The following CSGALNACT1 variants were observed in gnomAD, a reference collection of about 807,000 sequenced individuals.
CSGALNACT1 encodes chondroitin sulfate N-acetylgalactosaminyltransferase 1.
A neutral mutation model predicts 51.0 loss-of-function variants in CSGALNACT1; 52 were observed. The ratio of observed to expected loss-of-function variants is 1.02; its 90% confidence interval spans 0.82 to 1.29. The LOEUF is 1.29. CSGALNACT1 is among the 50% of genes most tolerant of loss of function. The probability of loss-of-function intolerance (pLI) is 0.00; values close to 1 mark genes in which losing one functional copy is unlikely to be tolerated. For missense variants in CSGALNACT1, 935 were observed against 679.2 expected (o/e 1.38, Z -4.19); for synonymous variants, 341 against 254.4 (o/e 1.34, Z -3.24).
intron 1 of CSGALNACT1, among the ~76,000 whole-genome samples, chr8:19,723,678 T>A (rs1019399233): frequency 6.6e-6 from 1 of 152,202 alleles, no homozygotes; most frequent in Non-Finnish European, 1.5e-5. Context: ...TAGGATGTAC[T>A]TTTTGGAAAA....
At chr8:19,604,453 T>C (rs1281289507), upstream of CSGALNACT1, among the ~76,000 whole-genome samples, 1 of 152,160 alleles carries the variant, frequency 6.6e-6, no homozygotes, top group Non-Finnish European at 1.5e-5. Flanking sequence ...GAAATGAGGC[T>C]CAAAGGTGTT....
chr8:19,435,248 A>G (rs889493202), intron 6 of CSGALNACT1, among the ~76,000 whole-genome samples: 3 of 152,192 alleles, frequency 2.0e-5, no homozygotes, highest in African/African-American at 7.2e-5. Flanking sequence ...TAATCCCAGG[A>G]CTTTGGGAGG....
chr8:19,434,037 A>C (rs1467133412), intron 6 of CSGALNACT1, among the ~76,000 whole-genome samples: 1 of 152,146 alleles, frequency 6.6e-6, no homozygotes. Flanking sequence ...ACCTCCATAA[A>C]GCTCCCTTTC....
chr8:19,625,955 A>G (rs541152678), intron 1 of CSGALNACT1, among the ~76,000 whole-genome samples: 163 of 152,346 alleles, frequency 1.1e-3, no homozygotes, highest in African/African-American at 3.7e-3. Flanking sequence ...AGTTATTTGC[A>G]AAGATTTAAA....
chr8:19,460,650 G>A (rs6997517), intron 4 of CSGALNACT1, among the ~76,000 whole-genome samples: 2,781 of 152,278 alleles, frequency 0.018, 79 homozygotes, highest in African/African-American at 0.063. Context: ...ACAGTGACAC[G>A]GCAATGGAAT....
At chr8:19,725,664 C>T (rs2063358921) in intron 1 of CSGALNACT1, among the ~76,000 whole-genome samples, 1 of 152,006 alleles carries the variant, frequency 6.6e-6, no homozygotes, top group Non-Finnish European at 1.5e-5. Context: ...ACCTCGTGAT[C>T]CACATGACTC....
chr8:19,523,540 G>A (rs565855932), intron 3 of CSGALNACT1, among the ~76,000 whole-genome samples: 57 of 151,640 alleles, frequency 3.8e-4, no homozygotes, highest in Middle Eastern at 3.4e-3. Flanking sequence ...AAAGTGGTGA[G>A]ATTACAGGCA....
intron 4 of CSGALNACT1, among the ~76,000 whole-genome samples, chr8:19,475,971 T>G (rs559704060): frequency 6.6e-6 from 1 of 152,178 alleles, no homozygotes; most frequent in African/African-American, 2.4e-5. Flanking sequence ...GAAACATGAC[T>G]TGCCATGTCC....
chr8:19,513,384 T>G (rs983332564), intron 3 of CSGALNACT1, among the ~76,000 whole-genome samples: 2 of 145,884 alleles, frequency 1.4e-5, no homozygotes, highest in Non-Finnish European at 3.0e-5. Context: ...CTACACCCAG[T>G]ACATTCTGTT....
intron 1 of CSGALNACT1, among the ~76,000 whole-genome samples, chr8:19,690,732 G>A (rs138413603): frequency 6.6e-6 from 1 of 152,298 alleles, no homozygotes; most frequent in Non-Finnish European, 1.5e-5. Flanking sequence ...AACTCCGCAT[G>A]GAAGGAGGGG....
Position 19,545,860 on chromosome 8 carries a change from A to G in CSGALNACT1, c.-296-39730T>C, listed in dbSNP as rs927861803. Among the ~76,000 whole-genome samples, 3 of 148,406 alleles carry G rather than the reference A, an allele frequency of 2.0e-5. No homozygotes were observed. The Admixed American group carries it at 2.0e-4, about 10-fold the overall frequency. On this transcript the variant is annotated intron_variant, in intron 3 of 9. Transcript: ENST00000454498. ...TGTATATATAATAGTTATATACTAT[A>G]TATTATATATAAGTTATATGCTATA...
chr8:19,650,551 T>C (rs2057708917), intron 1 of CSGALNACT1, among the ~76,000 whole-genome samples: 1 of 152,110 alleles, frequency 6.6e-6, no homozygotes, highest in East Asian at 1.9e-4. Context: ...TGCTCAGCAA[T>C]GGTCGAACAG....
chr8:19,469,010 A>C (rs4244452), intron 4 of CSGALNACT1, among the ~76,000 whole-genome samples: 1 of 151,880 alleles, frequency 6.6e-6, no homozygotes, highest in Non-Finnish European at 1.5e-5. Flanking sequence ...GGCAGAAGAC[A>C]GCAGCATCAA....
At chr8:19,571,885 T>C (rs1226664746) in intron 3 of CSGALNACT1, among the ~76,000 whole-genome samples, 1 of 152,232 alleles carries the variant, frequency 6.6e-6, no homozygotes, top group Non-Finnish European at 1.5e-5. Flanking sequence ...TTACTGTAAG[T>C]TTTCTGTAGG....
intron 1 of CSGALNACT1, among the ~76,000 whole-genome samples, chr8:19,675,142 C>G (rs190034955): frequency 2.0e-5 from 3 of 152,276 alleles, no homozygotes; most frequent in Admixed American, 2.0e-4. Flanking sequence ...AGTCATGGAG[C>G]TATCATGGTA....
chr8:19,418,901 G>A (rs575729585), intron 7 of CSGALNACT1, 151 bp from the exon 7 acceptor site: 5 of 694,358 alleles, frequency 7.2e-6, no homozygotes, highest in Non-Finnish European at 1.3e-5. Context: ...GGCTGCAATA[G>A]AGTGGCACAA....
intron 6 of CSGALNACT1, among the ~76,000 whole-genome samples, chr8:19,423,763 A>G (rs1457455255): frequency 6.6e-6 from 1 of 152,182 alleles, no homozygotes; most frequent in Non-Finnish European, 1.5e-5. Context: ...CTAATGCAAA[A>G]GGCAATTTGC....
chr8:19,659,850 C>T (rs2058613215), intron 1 of CSGALNACT1, among the ~76,000 whole-genome samples: 2 of 152,204 alleles, frequency 1.3e-5, no homozygotes, highest in Admixed American at 6.5e-5. Context: ...GAGATCGCTG[C>T]TTCCTGCTAA....
At chr8:19,539,173 C>T (rs2084478847) in intron 3 of CSGALNACT1, among the ~76,000 whole-genome samples, 2 of 152,150 alleles carry the variant, frequency 1.3e-5, no homozygotes, top group African/African-American at 4.8e-5. Context: ...CTCACAGAGT[C>T]AGTGGGTTGT....
Sources: gnomAD v4.1 joint callset for allele counts (sites outside exome capture counted in the v4.1 genomes callset) on GRCh38, gnomAD v4.1.1 for gene constraint, MANE v1.5 for transcripts, NCBI Gene and HGNC (gene_info 2026-07-23, HGNC 2026-07-21) for gene names.